The following MYOM2 variants were observed in gnomAD, a reference collection of about 807,000 sequenced individuals.
MYOM2 encodes the protein myomesin-2.
In MYOM2, 254 loss-of-function variants were observed where a neutral mutation model predicts 187.6. The ratio of observed to expected loss-of-function variants is 1.35; its 90% CI spans 1.22 to 1.50. MYOM2 has a LOEUF of 1.50. MYOM2 is among the 40% of genes most tolerant of loss of function. MYOM2 has a pLI of 0.00. For missense variants in MYOM2, 2,796 were observed against 1,924.0 expected, an observed-to-expected ratio of 1.45 and a Z score of -8.48; for synonymous variants, 981 against 753.8, an observed-to-expected ratio of 1.30 and a Z score of -4.94.
intron 1 of MYOM2, among the ~76,000 whole-genome samples, chr8:2,048,852 C>G (rs141134515): frequency 4.0e-5 from 6 of 151,188 alleles, no homozygotes; most frequent in Admixed American, 1.3e-4. Flanking sequence ...TGCAGTGGCG[C>G]GATCTCGGCT....
chr8:2,093,834 T>C, intron 16 of MYOM2, 136 bp from the exon 17 acceptor site: 1 of 1,039,106 alleles, frequency 9.6e-7, no homozygotes, highest in South Asian at 1.6e-5. Context: ...TTGAGCTAAT[T>C]AACTAGAATT....
intron 1 of MYOM2, among the ~76,000 whole-genome samples, chr8:2,048,364 A>T (rs574171550): frequency 6.6e-6 from 1 of 152,352 alleles, no homozygotes; most frequent in East Asian, 1.9e-4. Context: ...GAGAGAGTAA[A>T]TGGGTTTCTG....
At chr8:2,116,859 G>A (rs977320695) in intron 27 of MYOM2, among the ~76,000 whole-genome samples, 4 of 152,198 alleles carry the variant, frequency 2.6e-5, no homozygotes, top group South Asian at 4.2e-4. Flanking sequence ...CCGGGTTCAC[G>A]CCGTTCTCCT....
At chr8:2,095,801 C>T (rs957784774) in intron 17 of MYOM2, among the ~76,000 whole-genome samples, 2 of 152,286 alleles carry the variant, frequency 1.3e-5, no homozygotes, top group Admixed American at 1.3e-4. Flanking sequence ...TGAAGTTCCT[C>T]TAACTGTGCA....
At chr8:2,140,198 C>A (rs1418766984) in intron 32 of MYOM2, among the ~76,000 whole-genome samples, 1 of 152,170 alleles carries the variant, frequency 6.6e-6, no homozygotes, top group Non-Finnish European at 1.5e-5. Flanking sequence ...AGCAAAATGT[C>A]CTCAGGGTTC....
intron 25 of MYOM2, among the ~76,000 whole-genome samples, chr8:2,111,290 G>C (rs980562978): frequency 5.3e-5 from 8 of 152,202 alleles, no homozygotes; most frequent in Non-Finnish European, 8.8e-5. Context: ...ATAAAAGTCT[G>C]TATTTATGGC....
chr8:2,091,016 C>CTTTTTTTT (rs35873643), intron 15 of MYOM2, among the ~76,000 whole-genome samples: 7 of 86,486 alleles, frequency 8.1e-5, no homozygotes, highest in African/African-American at 1.8e-4. Context: ...AATGATAGTT[C>CTTTTTTTT]TTTTTTTTTT....
rs1563427285 is a variant in MYOM2, at chr8:2,069,263, T to A, written c.654-15T>A. 8 of 1,603,366 alleles carry A rather than the reference T, an allele frequency of 5.0e-6. No individual in the cohort carries two copies. Among genetic ancestry groups the A allele is most frequent in the Non-Finnish European group, 6.8e-6 (8 of 1,173,246 alleles). ...AACAGTCCCGCAGACTTTCTCTTGTTTTTTTCTCTCCAAGGGCAGACTTTG... is the reference window on the plus strand; with the variant it reads ...AACAGTCCCGCAGACTTTCTCTTGTATTTTTCTCTCCAAGGGCAGACTTTG... On this transcript the variant is annotated splice_polypyrimidine_tract_variant and intron_variant, in intron 6 of 36. Coordinates refer to ENST00000262113, the MANE Select transcript of MYOM2 (RefSeq NM_003970.4).
In MYOM2 at chr8:2,106,503, C is replaced by T. The variant is rs1247877213; in HGVS notation, c.2904C>T (p.Tyr968=). 2.5e-6 allele frequency: 4 copies of T among 1,612,236 alleles called. No individual in the cohort carries two copies. The highest frequency in any genetic ancestry group is 1.3e-5 in the African/African-American group (1 of 74,894). Residue 968 remains tyrosine (Y), a synonymous_variant, in exon 23 of 37, where the codon TAC becomes TAT. Transcript: ENST00000262113. ...TCTTCCTTTTTAGCTCCAAGCTGTA[C>T]TTAAAGAATCCGGATAAGGAGGATT... ...IETVGDHSKL[Y]LKNPDKEDLG... is the part of the protein sequence containing the mutation.
chr8:2,046,723 G>A (rs1818321786), intron 1 of MYOM2, among the ~76,000 whole-genome samples: 1 of 150,130 alleles, frequency 6.7e-6, no homozygotes, highest in Non-Finnish European at 1.5e-5. Flanking sequence ...AGGAAAAGCT[G>A]CTTTCTTTCT....
In MYOM2 at chr8:2,096,444, T is replaced by C. The variant is rs761321618; in HGVS notation, c.2313+10T>C. The C allele has an allele frequency of 2.5e-6, 4 of 1,612,008 alleles. No individual in the cohort carries two copies. Among genetic ancestry groups the C allele is most frequent in the South Asian group, 1.1e-5 (1 of 90,788 alleles). On this transcript the variant is annotated intron_variant, in intron 18 of 36. Coordinates refer to ENST00000262113, the MANE Select transcript of MYOM2 (RefSeq NM_003970.4). ...ACCGACAATCCTAACGGTCAGTTGG[T>C]TTTTATTCCTTCGTCTATTTTTGCC...
rs147850980 is a variant in MYOM2 at position 2,140,577 on chromosome 8, C to T, written c.3801-146C>T. 2,205 of 698,724 alleles carry T rather than the reference C, an allele frequency of 3.2e-3. 25 individuals are homozygous for T. The highest frequency in any genetic ancestry group is 0.029 in the East Asian group (1,063 of 36,132). The allele number at this position is 698,724 out of a possible 1,614,324, so 43.3% of individuals were successfully genotyped here. ...ATCTGAGTTACTGATGTGGTCAATA[C>T]ATTCGTAACAGCCAGAATAATCTAT... On this transcript the variant is annotated intron_variant, in intron 32 of 36. Coordinates refer to ENST00000262113, the MANE Select transcript of MYOM2 (RefSeq NM_003970.4).
chr8:2,103,010 T>C (rs1380701996), intron 21 of MYOM2, among the ~76,000 whole-genome samples: 1 of 151,644 alleles, frequency 6.6e-6, no homozygotes, highest in African/African-American at 2.4e-5. Flanking sequence ...TGTGCATGGA[T>C]TATGTGTTTA....
At chr8:2,081,801 C>G (rs537044372) in intron 13 of MYOM2, 2 of 152,364 alleles carry the variant, frequency 1.3e-5, no homozygotes, top group South Asian at 2.1e-4. Flanking sequence ...TGTCCTGAGG[C>G]TTGGTTTGCC....
chr8:2,086,694 G>A (rs1031214204), intron 14 of MYOM2, among the ~76,000 whole-genome samples: 6 of 152,262 alleles, frequency 3.9e-5, no homozygotes, highest in Non-Finnish European at 8.8e-5. Context: ...GCCCCTCGGT[G>A]TGAGCAGGGA....
chr8:2,047,341 C>T (rs936591636), intron 1 of MYOM2, among the ~76,000 whole-genome samples: 2 of 152,064 alleles, frequency 1.3e-5, no homozygotes, highest in Admixed American at 6.5e-5. Flanking sequence ...GGAAGTCCCC[C>T]AAGGAGTGAA....
chr8:2,052,658 G>A (rs1304153199), intron 3 of MYOM2, among the ~76,000 whole-genome samples: 1 of 152,210 alleles, frequency 6.6e-6, no homozygotes, highest in Non-Finnish European at 1.5e-5. Context: ...TCCAAGCCAA[G>A]CTCAGTCCCT....
At chr8:2,106,431 CTT>C (rs1315441728) in intron 22 of MYOM2, 33 bp downstream of exon 22, 1 of 1,610,912 alleles carries the variant, frequency 6.2e-7, no homozygotes, top group Non-Finnish European at 8.5e-7. Context: ...ATACTGGAAA[CTT>C]TTAGAAGTTC....
rs151039769 is a variant in MYOM2, at chr8:2,085,286, C to G, written c.1540C>G (p.Pro514Ala). 6.2e-7 allele frequency: 1 copy of G among 1,614,126 alleles called. No homozygotes were observed. Among genetic ancestry groups the G allele is most frequent in the South Asian group, 1.1e-5 (1 of 91,072 alleles). Residue 514 changes from proline (P) to alanine (A), a missense_variant, in exon 14 of 37, where the codon CCC becomes GCC. Coordinates refer to ENST00000262113, the MANE Select transcript of MYOM2 (RefSeq NM_003970.4). ...LEGDAQVPGP[P>A]TGVHASEISR... ...AGGTGACGCCCAGGTTCCAGGGCCT[C>G]CCACCGGTGTGCACGCTTCCGAGAT... is the stretch of plus-strand genomic sequence containing the variant.
Sources: allele counts gnomAD v4.1 joint callset (sites outside exome capture counted in the v4.1 genomes callset), GRCh38; gene constraint gnomAD v4.1.1; transcripts MANE v1.5; gene names NCBI Gene and HGNC (gene_info 2026-07-23, HGNC 2026-07-21).